Variants in SLCO6A1 observed in about 807,000 individuals in gnomAD.
SLCO6A1 encodes the protein cancer/testis antigen 48.
In SLCO6A1, 65 loss-of-function variants were observed where a neutral mutation model predicts 72.7. The ratio of observed to expected loss-of-function variants is 0.89; its 90% CI spans 0.73 to 1.10. SLCO6A1 has a LOEUF of 1.10. Among genes scored for constraint, SLCO6A1 ranks in the 50% least tolerant of loss-of-function variants. SLCO6A1 has a pLI of 0.00. For synonymous variants in SLCO6A1, 314 were observed against 298.2 expected, an observed-to-expected ratio of 1.05 and a Z score of -0.55; for missense variants, 874 against 872.6, an observed-to-expected ratio of 1.00 and a Z score of -0.02.
intron 12 of SLCO6A1, among the ~76,000 whole-genome samples, chr5:102,374,243 C>T (rs983039560): frequency 2.0e-5 from 3 of 152,062 alleles, no homozygotes; most frequent in Non-Finnish European, 2.9e-5. Context: ...TGAGCTCAGG[C>T]GATCTCCTTG....
intron 1 of SLCO6A1, among the ~76,000 whole-genome samples, chr5:102,482,406 A>C (rs557959722): frequency 6.6e-6 from 1 of 152,286 alleles, no homozygotes; most frequent in South Asian, 2.1e-4. Flanking sequence ...ACTATAGTTG[A>C]TATTCATAGC....
intron 1 of SLCO6A1, among the ~76,000 whole-genome samples, chr5:102,486,427 T>C (rs1214574674): frequency 2.0e-5 from 3 of 152,130 alleles, no homozygotes; most frequent in Admixed American, 1.3e-4. Flanking sequence ...CATTGAATAC[T>C]TTAATGGAAG....
At chr5:102,387,736 A>C (rs1278315244) in intron 12 of SLCO6A1, among the ~76,000 whole-genome samples, 1 of 152,186 alleles carries the variant, frequency 6.6e-6, no homozygotes, top group African/African-American at 2.4e-5. Flanking sequence ...TGAAACCATA[A>C]AACATATAAA....
intron 7 of SLCO6A1, among the ~76,000 whole-genome samples, chr5:102,432,689 T>C (rs1007237505): frequency 1.3e-5 from 2 of 152,172 alleles, no homozygotes; most frequent in Non-Finnish European, 2.9e-5. Context: ...GTCCTTTCTC[T>C]CTAGCTGCCT....
At chr5:102,445,322 G>A (rs1012732357) in intron 6 of SLCO6A1, among the ~76,000 whole-genome samples, 8 of 152,108 alleles carry the variant, frequency 5.3e-5, no homozygotes, top group Admixed American at 2.0e-4. Context: ...AATAATGAGT[G>A]ACACTGAGCA....
chr5:102,383,095 A>ATATATATATATAT (rs1554064835), intron 12 of SLCO6A1, among the ~76,000 whole-genome samples: 28,040 of 128,114 alleles, frequency 0.22, 3,379 homozygotes, highest in Non-Finnish European at 0.27. Context: ...TATGTGTGTG[A>ATATATATATATAT]ATATATATAT....
chr5:102,427,738 G>C (rs1329115543), intron 7 of SLCO6A1, among the ~76,000 whole-genome samples: 4 of 149,620 alleles, frequency 2.7e-5, no homozygotes, highest in African/African-American at 9.8e-5. Flanking sequence ...TATTAATTTT[G>C]GTTCATTAAT....
chr5:102,409,669 C>T (rs1747866843), intron 9 of SLCO6A1, among the ~76,000 whole-genome samples: 2 of 152,054 alleles, frequency 1.3e-5, no homozygotes, highest in Admixed American at 1.3e-4. Context: ...TTTATTCTTT[C>T]AGTTTTCATT....
At chr5:102,480,514 A>AATTAGCCAGGCTTGG in intron 1 of SLCO6A1, 80 bp from the exon 2 acceptor site, 2 of 1,301,320 alleles carry the variant, frequency 1.5e-6, no homozygotes, top group Non-Finnish European at 2.1e-6. Context: ...CAAAATTTAA[A>AATTAGCCAGGCTTGG]TTACATGATG....
intron 9 of SLCO6A1, among the ~76,000 whole-genome samples, chr5:102,411,100 C>T (rs908992336): frequency 6.6e-6 from 1 of 152,058 alleles, no homozygotes; most frequent in African/African-American, 2.4e-5. Flanking sequence ...TAGCATAGAG[C>T]TAAGACAAAC....
chr5:102,377,639 A>T (rs1159425248), intron 12 of SLCO6A1, among the ~76,000 whole-genome samples: 1 of 151,818 alleles, frequency 6.6e-6, no homozygotes, highest in East Asian at 1.9e-4. Context: ...TTTGATATAT[A>T]TATATATCTA....
chr5:102,473,918 AATAG>A (rs1751760909), intron 4 of SLCO6A1, among the ~76,000 whole-genome samples: 1 of 151,982 alleles, frequency 6.6e-6, no homozygotes, highest in African/African-American at 2.4e-5. Context: ...TAAAGACACA[AATAG>A]ATGTAAAGCG....
intron 6 of SLCO6A1, among the ~76,000 whole-genome samples, chr5:102,456,939 A>G (rs1235476467): frequency 6.6e-6 from 1 of 152,200 alleles, no homozygotes; most frequent in Non-Finnish European, 1.5e-5. Context: ...GCCCTCAGAA[A>G]TAATGCCACA....
At chr5:102,489,448 A>G (rs1752579570) in intron 1 of SLCO6A1, among the ~76,000 whole-genome samples, 1 of 152,218 alleles carries the variant, frequency 6.6e-6, no homozygotes, top group South Asian at 2.1e-4. Flanking sequence ...AAATGGGCAA[A>G]AGCCCTGAAT....
At chr5:102,441,753 T>C (rs1247961878) in intron 6 of SLCO6A1, among the ~76,000 whole-genome samples, 1 of 151,996 alleles carries the variant, frequency 6.6e-6, no homozygotes, top group Non-Finnish European at 1.5e-5. Flanking sequence ...TCATGAAGTT[T>C]TTTTAGCATC....
intron 12 of SLCO6A1, among the ~76,000 whole-genome samples, chr5:102,377,079 AC>A (rs1580313994): frequency 1.3e-5 from 2 of 152,242 alleles, no homozygotes; most frequent in East Asian, 3.9e-4. Flanking sequence ...CAGGAGGATT[AC>A]TTGAGGACAT....
chr5:102,498,736 C>T lies in SLCO6A1; in HGVS notation c.109G>A (p.Gly37Arg), dbSNP rs1415916913. The change falls in exon 1 of 14, where the codon GGA becomes AGA. Residue 37 changes from glycine (G) to arginine (R), a missense_variant. Transcript: ENST00000506729. ...CCGGGCTTCGAGGACTTCGGGGTTC[C>T]CTTGGCCCTCCTGTCCTTAGCAGGC... ...AQPAKDRRAK[G>R]TPKSSKPGKK... 6.2e-7 allele frequency: 1 copy of T among 1,614,140 alleles called. No homozygotes were observed. Among genetic ancestry groups the T allele is most frequent in the Non-Finnish European group, 8.5e-7 (1 of 1,180,024 alleles).
At chr5:102,443,354 A>C (rs1749945866) in intron 6 of SLCO6A1, among the ~76,000 whole-genome samples, 1 of 152,030 alleles carries the variant, frequency 6.6e-6, no homozygotes, top group Admixed American at 6.5e-5. Context: ...TCTCTTTCTC[A>C]ATGGCCCTTT....
intron 7 of SLCO6A1, among the ~76,000 whole-genome samples, chr5:102,423,688 C>T (rs1748733120): frequency 6.6e-6 from 1 of 152,052 alleles, no homozygotes; most frequent in South Asian, 2.1e-4. Context: ...ACTTTAACAC[C>T]CCACTGTCAA....
Sources: gnomAD v4.1 joint callset for allele counts (sites outside exome capture counted in the v4.1 genomes callset) on GRCh38, gnomAD v4.1.1 for gene constraint, MANE v1.5 for transcripts, NCBI Gene and HGNC (gene_info 2026-07-23, HGNC 2026-07-21) for gene names.